The following MYOM1 variants were observed in gnomAD, a reference collection of about 807,000 sequenced individuals.
The protein encoded by MYOM1 is myomesin-1.
In MYOM1, 164 loss-of-function variants were observed where a neutral mutation model predicts 205.3. That is an observed-to-expected ratio of 0.80 (90% CI 0.70 to 0.91). MYOM1 has a LOEUF of 0.91. MYOM1 is among the 40% of genes least tolerant of loss of function. MYOM1 has a pLI of 0.00. For synonymous variants in MYOM1, 772 were observed against 789.4 expected (o/e 0.98, Z 0.37); for missense variants, 2,011 against 2,127.3 (o/e 0.95, Z 1.08).
At chr18:3,071,937 C>A (rs955565448) in intron 36 of MYOM1, 48 bp from the exon 37 acceptor site, 1 of 1,542,870 alleles carries the variant, frequency 6.5e-7, no homozygotes, top group African/African-American at 1.4e-5. Context: ...GCAAGGCCAG[C>A]GGTCATACTC....
chr18:3,133,736 T>TA (rs770156346), intron 16 of MYOM1, among the ~76,000 whole-genome samples: 5 of 152,230 alleles, frequency 3.3e-5, no homozygotes, highest in African/African-American at 7.2e-5. Flanking sequence ...AATGAACTCT[T>TA]ACAATAGTTG....
chr18:3,147,313 T>A lies in MYOM1; in HGVS notation c.1900+1832A>T, dbSNP rs374342043. The stretch of plus-strand genomic sequence containing the variant: ...AGGAGCAAACGAATGTATGAGATTA[T>A]ATCTATAAAAATGTGCAGGACCTGC... On this transcript the variant is annotated intron_variant, in intron 13 of 37. Coordinates refer to ENST00000356443, the MANE Select transcript of MYOM1 (RefSeq NM_003803.4). Among the ~76,000 whole-genome samples, 216 of 151,824 alleles carry A rather than the reference T, an allele frequency of 1.4e-3. 1 individual carries two copies. In the South Asian group the frequency reaches 0.014, roughly 10 times the overall value.
chr18:3,102,400 A>G, intron 23 of MYOM1, 74 bp downstream of exon 23: 1 of 1,378,326 alleles, frequency 7.3e-7, no homozygotes, highest in Non-Finnish European at 9.8e-7. Context: ...AAGCAATTTA[A>G]GTGGAAATCA....
At chr18:3,226,769 A>G in the MYOM1 span, among the ~76,000 whole-genome samples, 212 of 152,306 alleles carry the variant, frequency 1.4e-3, 1 homozygote, top group Non-Finnish European at 2.1e-3. This position sits in a 1 kb window ranked among gnomAD's most constrained non-coding sequence, Gnocchi z 4.6. Flanking sequence ...CTGACCCACA[A>G]CAGGCATTTA....
At chr18:3,131,572 G>T (rs555803025) in intron 16 of MYOM1, 76 bp from the exon 17 acceptor site, 2 of 1,296,388 alleles carry the variant, frequency 1.5e-6, no homozygotes, top group Non-Finnish European at 2.1e-6. Context: ...TAATGGAGTG[G>T]ATCTGGCTTT....
In MYOM1 at chr18:3,127,462, C is replaced by G. The variant is rs184689297; in HGVS notation, c.2795-565G>C. On this transcript the variant is annotated intron_variant, in intron 18 of 37. Transcript: ENST00000356443. The stretch of plus-strand genomic sequence containing the variant: ...TAGTTGGGATTATAGGTGTGCACCA[C>G]CATGCCCGGCTAATTTTTGTATTAT... Among the ~76,000 whole-genome samples, 883 of 151,710 alleles carry G rather than the reference C, an allele frequency of 5.8e-3. 11 individuals carry two copies. The highest frequency in any genetic ancestry group is 0.021 in the African/African-American group (848 of 41,290).
intron 20 of MYOM1, among the ~76,000 whole-genome samples, chr18:3,118,639 C>G (rs2079641254): frequency 6.6e-6 from 1 of 152,160 alleles, no homozygotes; most frequent in Non-Finnish European, 1.5e-5. Flanking sequence ...CAGCCAACGA[C>G]ATCACTTTTG....
chr18:3,165,694 G>A lies in MYOM1; in HGVS notation c.1340-1255C>T, dbSNP rs570580443. 2.6e-5 allele frequency among the ~76,000 whole-genome samples: 4 copies of A among 152,330 alleles called. No individual in the cohort carries two copies. In the East Asian group the frequency reaches 7.7e-4, roughly 29 times the overall value. On this transcript the variant is annotated intron_variant, in intron 9 of 37. Transcript: ENST00000356443. ...TCCTGTCCCCATGCTCAGGCCAGGA[G>A]TTAATATTTGTGCAGATCCCACAGA...
At chr18:3,215,439 C>G (rs2081252779) in intron 1 of MYOM1, among the ~76,000 whole-genome samples, 188 bp from the exon 2 acceptor site, 1 of 151,980 alleles carries the variant, frequency 6.6e-6, no homozygotes, top group South Asian at 2.1e-4. Flanking sequence ...GACCCTATCT[C>G]TACAAAAAGA....
chr18:3,152,013 G>T lies in MYOM1; in HGVS notation c.1644-120C>A. 1.0e-6 allele frequency: 1 copy of T among 990,428 alleles called. No individual in the cohort carries two copies. The highest frequency in any genetic ancestry group is 1.4e-6 in the Non-Finnish European group (1 of 692,218). 61.4% of individuals were successfully genotyped at this position (990,428 alleles called of 1,614,324 possible). On this transcript the variant is annotated intron_variant, in intron 11 of 37. Coordinates refer to ENST00000356443, the MANE Select transcript of MYOM1 (RefSeq NM_003803.4). The surrounding 1 kb of genome is among the most constrained non-coding windows in gnomAD (Gnocchi z 4.3). ...TCTCCCTATAAAATATCCAAGTCAG[G>T]CGTGGCTCGCTACCTGGTGAACTGC...
intron 25 of MYOM1, 128 bp downstream of exon 25, chr18:3,100,031 A>C: frequency 1.1e-6 from 1 of 926,122 alleles, no homozygotes; most frequent in Admixed American, 2.2e-5. Context: ...GTAGCTACTG[A>C]TGTGTGTTCC....
At chr18:3,163,146 A>G (rs2080418766) in intron 10 of MYOM1, among the ~76,000 whole-genome samples, 1 of 152,198 alleles carries the variant, frequency 6.6e-6, no homozygotes, top group Non-Finnish European at 1.5e-5. Context: ...AGTTCATCAA[A>G]ACAGAGGCTA....
chr18:3,079,360 A>G lies in MYOM1; in HGVS notation c.4485-18T>C. The G allele has an allele frequency of 6.3e-7, 1 of 1,598,310 alleles. No homozygotes were observed. Among genetic ancestry groups the G allele is most frequent in the Non-Finnish European group, 8.5e-7 (1 of 1,169,836 alleles). ...CGGACCCACTGTGAAAATCGAAGAA[A>G]ACTTCCTTAGCATTTGCTTCCATCC... On this transcript the variant is annotated intron_variant, in intron 33 of 37. Transcript: ENST00000356443.
Position 3,146,461 on chromosome 18 carries a change from T to C in MYOM1, c.1900+2684A>G, listed in dbSNP as rs554903453. Among the ~76,000 whole-genome samples the C allele has an allele frequency of 1.9e-3, 287 of 152,248 alleles. 1 individual carries two copies. Among genetic ancestry groups the C allele is most frequent in the Non-Finnish European group, 3.6e-3 (242 of 67,950 alleles). ...GTTTGCGTTATTTATTTTATTTCGG[T>C]TTAATAATCTAAAATTAATCAATGT... On this transcript the variant is annotated intron_variant, in intron 13 of 37. Coordinates refer to ENST00000356443, the MANE Select transcript of MYOM1 (RefSeq NM_003803.4).
intron 29 of MYOM1, among the ~76,000 whole-genome samples, chr18:3,086,677 A>G (rs747620404): frequency 1.3e-5 from 2 of 152,218 alleles, no homozygotes; most frequent in Non-Finnish European, 2.9e-5. Context: ...ACTCACTTAG[A>G]TACACTAATC....
chr18:3,097,597 G>A (rs1044802017), intron 25 of MYOM1, among the ~76,000 whole-genome samples: 1 of 151,946 alleles, frequency 6.6e-6, no homozygotes, highest in Non-Finnish European at 1.5e-5. Flanking sequence ...TGTAGAGATA[G>A]GGTTTCACCA....
intron 4 of MYOM1, 63 bp downstream of exon 4, chr18:3,188,684 CA>C: frequency 7.2e-7 from 1 of 1,397,336 alleles, no homozygotes; most frequent in African/African-American, 1.5e-5. Context: ...CACACACACA[CA>C]CACACACCCC....
chr18:3,090,646 C>A lies in MYOM1; in HGVS notation c.4009+12G>T, dbSNP rs759658115. 1 of 1,613,628 alleles carries A rather than the reference C, an allele frequency of 6.2e-7. No homozygotes were observed. Among genetic ancestry groups the A allele is most frequent in the South Asian group, 1.1e-5 (1 of 91,060 alleles). On this transcript the variant is annotated intron_variant, in intron 27 of 37. Coordinates refer to ENST00000356443, the MANE Select transcript of MYOM1 (RefSeq NM_003803.4). ...GCAAAGCCTGCTGGTTAATGTTCCA[C>A]GGAATTCTTACCATCTCCAACGAGA...
chr18:3,091,315 TA>T (rs747420612), intron 26 of MYOM1, among the ~76,000 whole-genome samples: 187 of 138,160 alleles, frequency 1.4e-3, no homozygotes, highest in South Asian at 7.1e-3. Context: ...AAACTCTGTC[TA>T]AAAAAAAAAA....
Sources: allele counts gnomAD v4.1 joint callset (sites outside exome capture counted in the v4.1 genomes callset), GRCh38; gene constraint gnomAD v4.1.1; non-coding constraint Gnocchi (gnomAD v3.1); transcripts MANE v1.5; gene names NCBI Gene and HGNC (gene_info 2026-07-23, HGNC 2026-07-21).